Variants in ATXN8OS observed in about 807,000 individuals in gnomAD.
The protein encoded by ATXN8OS is ATXN8 opposite strand (non-protein coding).
chr13:70,107,797 C>T (rs1888111619), exon 1 of ATXN8OS: 7 of 900,858 alleles, frequency 7.8e-6, no homozygotes, highest in Admixed American at 3.0e-5. Flanking sequence ...GAGGAAGAGG[C>T]GGGATGCGCC....
upstream of ATXN8OS, chr13:70,107,604 C>T (rs1888104003): frequency 5.6e-6 from 9 of 1,593,760 alleles, no homozygotes; most frequent in Non-Finnish European, 7.7e-6. Context: ...CTCCCCCCGC[C>T]GGGCCGCCGG....
Position 70,146,635 on chromosome 13 carries a change from AC to A in ATXN8OS, n.500-718del, listed in dbSNP as rs1020671293. ...TGTAGGGACATGGATGAAACTGGAA[AC>A]CATCATTCTCAGCAAACTATCACAA... On this transcript the variant is annotated intron_variant and non_coding_transcript_variant, in intron 3 of 4. Transcript: ENST00000678624. Among the ~76,000 whole-genome samples the A allele has an allele frequency of 5.7e-4, 87 of 152,168 alleles. 1 individual carries two copies. Among genetic ancestry groups the A allele is most frequent in the African/African-American group, 2.0e-3 (84 of 41,518 alleles).
intron 4 of ATXN8OS, among the ~76,000 whole-genome samples, chr13:70,149,422 G>C (rs776365481): frequency 5.3e-5 from 8 of 151,956 alleles, no homozygotes; most frequent in Non-Finnish European, 7.4e-5. Flanking sequence ...TAGAGACATC[G>C]TCAATCATTA....
intron 3 of ATXN8OS, chr13:70,131,343 T>C (rs964546767): frequency 7.5e-6 from 3 of 398,386 alleles, no homozygotes; most frequent in African/African-American, 6.2e-5. Context: ...AATCAGTTTT[T>C]TCCTCTCCAA....
At chr13:70,159,157 C>T (rs1447034980) in intron 4 of ATXN8OS, among the ~76,000 whole-genome samples, 1 of 144,918 alleles carries the variant, frequency 6.9e-6, no homozygotes, top group Non-Finnish European at 1.5e-5. Flanking sequence ...TTTATTTTCT[C>T]TCCTTCCCTC....
chr13:70,163,111 A>G (rs796154440), intron 4 of ATXN8OS, among the ~76,000 whole-genome samples: 12 of 152,252 alleles, frequency 7.9e-5, no homozygotes, highest in African/African-American at 2.9e-4. Context: ...TAATTATAAT[A>G]ACAATAATAG....
At chr13:70,147,409 G>C (rs1888800483) in exon 4 of ATXN8OS, among the ~76,000 whole-genome samples, 3 of 151,996 alleles carry the variant, frequency 2.0e-5, no homozygotes, top group African/African-American at 7.2e-5. Context: ...CCCAAAATTT[G>C]CCTCCGTTTA....
At chr13:70,145,211 T>C (rs1296170367) in intron 3 of ATXN8OS, among the ~76,000 whole-genome samples, 1 of 152,146 alleles carries the variant, frequency 6.6e-6, no homozygotes, top group Non-Finnish European at 1.5e-5. Flanking sequence ...TTGATCTATA[T>C]TTCTGTTTTG....
intron 4 of ATXN8OS, among the ~76,000 whole-genome samples, chr13:70,166,867 A>T (rs1478814875): frequency 2.0e-5 from 3 of 151,798 alleles, no homozygotes; most frequent in Admixed American, 6.6e-5. Context: ...ATATAAACAG[A>T]CACTTCTCAA....
intron 4 of ATXN8OS, among the ~76,000 whole-genome samples, chr13:70,149,865 T>G: frequency 6.6e-6 from 1 of 152,112 alleles, no homozygotes; most frequent in Admixed American, 6.6e-5. Flanking sequence ...ACAAAAACTT[T>G]TTTTTCCTTG....
intron 4 of ATXN8OS, among the ~76,000 whole-genome samples, chr13:70,158,119 C>T (rs1354989714): frequency 6.6e-6 from 1 of 152,146 alleles, no homozygotes; most frequent in East Asian, 1.9e-4. Flanking sequence ...TTCCACACTT[C>T]TTTAAGATAG....
At chr13:70,145,843 T>C (rs9542187) in intron 3 of ATXN8OS, among the ~76,000 whole-genome samples, 27,299 of 151,192 alleles carry the variant, frequency 0.18, 2,630 homozygotes, top group East Asian at 0.25. Flanking sequence ...ATTCAGGACA[T>C]AGGCATGGGC....
intron 2 of ATXN8OS, among the ~76,000 whole-genome samples, chr13:70,119,214 G>A (rs1329054157): frequency 1.3e-5 from 2 of 152,038 alleles, no homozygotes; most frequent in Admixed American, 6.6e-5. Context: ...TATTTCTCAT[G>A]CTTGTCTCTC....
In ATXN8OS at chr13:70,168,016, G is replaced by A. The variant is rs571031484; in HGVS notation, n.574-1737G>A. 5.3e-5 allele frequency among the ~76,000 whole-genome samples: 8 copies of A among 152,148 alleles called. No homozygotes were observed. In the South Asian group the frequency reaches 1.2e-3, roughly 24 times the overall value. On this transcript the variant is annotated intron_variant and non_coding_transcript_variant, in intron 4 of 4. Coordinates refer to ENST00000678624, the Ensembl canonical transcript of ATXN8OS. ...GCTGGGCTTACAGGCGTGAGCCACC[G>A]CGCCCGGCCAACATATGTGACTTCT...
At chr13:70,127,241 G>A (rs1016478875) in intron 2 of ATXN8OS, among the ~76,000 whole-genome samples, 4 of 151,976 alleles carry the variant, frequency 2.6e-5, no homozygotes, top group Non-Finnish European at 5.9e-5. Flanking sequence ...GACCTAATGA[G>A]ATGGAAATTG....
At chr13:70,150,180 T>C (rs898498452) in intron 4 of ATXN8OS, among the ~76,000 whole-genome samples, 10 of 152,044 alleles carry the variant, frequency 6.6e-5, no homozygotes, top group African/African-American at 2.4e-4. Context: ...AAATTCATAT[T>C]CAATGAAGTT....
intron 1 of ATXN8OS, among the ~76,000 whole-genome samples, chr13:70,109,933 A>C (rs1566585711): frequency 6.6e-6 from 1 of 152,194 alleles, no homozygotes. Flanking sequence ...GATTTATTTA[A>C]AATAATATAA....
chr13:70,107,741 A>G (rs3751428), upstream of ATXN8OS: 392,388 of 1,452,882 alleles, frequency 0.27, 55,553 homozygotes, highest in South Asian at 0.4. Context: ...CTCACGCAGG[A>G]GTAGGCTGGT....
intron 2 of ATXN8OS, among the ~76,000 whole-genome samples, chr13:70,126,609 A>T (rs967317110): frequency 4.6e-5 from 7 of 150,580 alleles, no homozygotes; most frequent in African/African-American, 1.2e-4. Flanking sequence ...TAGACATATT[A>T]TATATATATA....
Sources: gnomAD v4.1 joint callset for allele counts (sites outside exome capture counted in the v4.1 genomes callset) on GRCh38, gnomAD v4.1.1 for gene constraint, MANE v1.5 for transcripts, NCBI Gene and HGNC (gene_info 2026-07-23, HGNC 2026-07-21) for gene names.